PTPRG: variants seen among roughly 807,000 people sequenced by gnomAD.
PTPRG encodes the protein receptor-type tyrosine-protein phosphatase gamma.
PTPRG carries 102 observed loss-of-function variants against 165.3 expected under a neutral mutation model. The ratio of observed to expected loss-of-function variants is 0.62; its 90% CI spans 0.53 to 0.73. The LOEUF is 0.73. PTPRG is among the 30% of genes least tolerant of loss of function. The probability of loss-of-function intolerance (pLI) is 0.00; values close to 1 mark genes in which losing one functional copy is unlikely to be tolerated. For missense variants in PTPRG, 1,866 were observed against 1,861.4 expected, an observed-to-expected ratio of 1.00 and a Z score of -0.05; for synonymous variants, 675 against 669.5, an observed-to-expected ratio of 1.01 and a Z score of -0.13.
At chr3:61,780,224 A>G (rs2034505234) in intron 2 of PTPRG, among the ~76,000 whole-genome samples, 1 of 152,310 alleles carries the variant, frequency 6.6e-6, no homozygotes, top group East Asian at 1.9e-4. Context: ...TAGTCATTTA[A>G]TCAGCAGCTC....
chr3:61,695,271 A>T (rs1227073429), intron 1 of PTPRG, among the ~76,000 whole-genome samples: 1 of 152,196 alleles, frequency 6.6e-6, no homozygotes, highest in African/African-American at 2.4e-5. Context: ...TTGGCCTTCC[A>T]AAGTGCTGGG....
chr3:61,569,381 C>A (rs1333809992), intron 1 of PTPRG, among the ~76,000 whole-genome samples: 1 of 152,142 alleles, frequency 6.6e-6, no homozygotes, highest in Non-Finnish European at 1.5e-5. Flanking sequence ...AGCCTAACTC[C>A]TAAAGTCTTT....
rs192241336 is a variant in PTPRG at position 62,020,412 on chromosome 3, A to G, written c.519+16915A>G. The stretch of plus-strand genomic sequence containing the variant: ...AGAACAAGTATAGAGGCAGAATATA[A>G]AAATAATTTTTTCTCAAAATGCAAA... On this transcript the variant is annotated intron_variant, in intron 4 of 29. Coordinates refer to ENST00000474889, the MANE Select transcript of PTPRG (RefSeq NM_002841.4). Among the ~76,000 whole-genome samples the G allele has an allele frequency of 9.8e-5, 15 of 152,324 alleles. No homozygotes were observed. The East Asian group carries it at 2.9e-3, about 29-fold the overall frequency.
chr3:62,203,481 A>AG lies in PTPRG; in HGVS notation c.1689dup (p.Pro564AlafsTer4). The AG allele has an allele frequency of 6.4e-7, 1 of 1,573,400 alleles. No homozygotes were observed. The highest frequency in any genetic ancestry group is 8.6e-7 in the Non-Finnish European group (1 of 1,158,482). ...CCACCACAGAGGCCTTGGCTTCTCC[A>AG]GGGCCCGATGGTGATTCGTCACCAA... On this transcript the variant is annotated frameshift_variant, in exon 12 of 30. Transcript: ENST00000474889. LOFTEE classifies it high-confidence loss of function. This position sits in a 1 kb window ranked among gnomAD's most constrained non-coding sequence, Gnocchi z 6.4.
intron 13 of PTPRG, among the ~76,000 whole-genome samples, chr3:62,220,740 C>T (rs930059683): frequency 6.6e-6 from 1 of 152,170 alleles, no homozygotes; most frequent in African/African-American, 2.4e-5. Context: ...AACTGGAGGC[C>T]ACCTAGTGTG....
intron 9 of PTPRG, among the ~76,000 whole-genome samples, chr3:62,193,984 A>G (rs780436098): frequency 6.6e-6 from 1 of 152,306 alleles, no homozygotes; most frequent in South Asian, 2.1e-4. Context: ...TCGTTTTTAA[A>G]GGCTGTCAGA....
intron 1 of PTPRG, among the ~76,000 whole-genome samples, chr3:61,734,981 AGAG>A (rs1391267674): frequency 6.6e-6 from 1 of 152,234 alleles, no homozygotes; most frequent in Admixed American, 6.5e-5. Context: ...GGTCAGAGCC[AGAG>A]GAGGTTTTTG....
intron 4 of PTPRG, among the ~76,000 whole-genome samples, chr3:62,029,121 C>G (rs1331646025): frequency 2.6e-5 from 4 of 152,076 alleles, no homozygotes; most frequent in Non-Finnish European, 5.9e-5. Context: ...GTGTGAGTGT[C>G]TTCTCTCACA....
chr3:61,725,255 C>T (rs113947418), intron 1 of PTPRG, among the ~76,000 whole-genome samples: 21,298 of 151,916 alleles, frequency 0.14, 2,144 homozygotes, highest in East Asian at 0.49. Flanking sequence ...GCAACCTCCA[C>T]CTCCTGAGTT....
intron 14 of PTPRG, among the ~76,000 whole-genome samples, chr3:62,235,454 A>G (rs1701008916): frequency 6.6e-6 from 1 of 152,238 alleles, no homozygotes; most frequent in African/African-American, 2.4e-5. Flanking sequence ...GGTCTCATCA[A>G]AATGTGGTTT....
chr3:61,659,301 T>TG (rs1344579188), intron 1 of PTPRG: 2 of 985,166 alleles, frequency 2.0e-6, no homozygotes, highest in African/African-American at 3.5e-5. Context: ...AAGGCACTGA[T>TG]GGTGCAAGTC....
intron 4 of PTPRG, among the ~76,000 whole-genome samples, chr3:62,029,201 G>A (rs1427405002): frequency 1.3e-5 from 2 of 152,046 alleles, no homozygotes; most frequent in Non-Finnish European, 2.9e-5. Flanking sequence ...AAATCTCAAG[G>A]TCTTGCAAGA....
chr3:61,698,508 G>A (rs1157604392), intron 1 of PTPRG, among the ~76,000 whole-genome samples: 2 of 152,178 alleles, frequency 1.3e-5, no homozygotes, highest in African/African-American at 4.8e-5. Flanking sequence ...CTGTAGCTGT[G>A]TGTGTCAATA....
intron 2 of PTPRG, among the ~76,000 whole-genome samples, chr3:61,918,965 G>A (rs1347176208): frequency 1.3e-5 from 2 of 152,162 alleles, no homozygotes; most frequent in African/African-American, 4.8e-5. Context: ...TTCTTGAGGA[G>A]AATTCGGTGG....
intron 24 of PTPRG, 54 bp downstream of exon 24, chr3:62,276,020 G>T: frequency 1.5e-6 from 2 of 1,349,350 alleles, no homozygotes; most frequent in Non-Finnish European, 2.1e-6. Flanking sequence ...TGTATGTTAG[G>T]TACAGAGGCA....
intron 5 of PTPRG, among the ~76,000 whole-genome samples, chr3:62,080,062 ATT>A (rs759641101): frequency 7.8e-6 from 1 of 128,854 alleles, no homozygotes; most frequent in Non-Finnish European, 1.7e-5. Context: ...CCTTCGGTTC[ATT>A]TTTTTTTTTT....
chr3:61,745,750 A>G (rs1369817659), intron 1 of PTPRG, among the ~76,000 whole-genome samples: 1 of 152,172 alleles, frequency 6.6e-6, no homozygotes, highest in East Asian at 1.9e-4. Context: ...GGTGAAGTCC[A>G]AGGCATAGGG....
chr3:61,967,395 G>A (rs553850880), intron 2 of PTPRG, among the ~76,000 whole-genome samples: 213 of 152,218 alleles, frequency 1.4e-3, no homozygotes, highest in Non-Finnish European at 2.3e-3. Flanking sequence ...AAGACCTTCA[G>A]TTCATCTCAC....
intron 28 of PTPRG, among the ~76,000 whole-genome samples, chr3:62,291,302 C>T (rs1206933325): frequency 1.3e-5 from 2 of 152,096 alleles, no homozygotes; most frequent in African/African-American, 2.4e-5. Flanking sequence ...ATGGCAGTGT[C>T]TTTAAAACTA....
Sources: gnomAD v4.1 joint callset for allele counts (sites outside exome capture counted in the v4.1 genomes callset) on GRCh38, gnomAD v4.1.1 for gene constraint, Gnocchi (gnomAD v3.1) non-coding constraint, MANE v1.5 for transcripts, NCBI Gene and HGNC (gene_info 2026-07-23, HGNC 2026-07-21) for gene names.